NRG3: variants seen among roughly 807,000 people sequenced by gnomAD.
NRG3 encodes pro-neuregulin-3, membrane-bound isoform.
NRG3 carries 31 observed loss-of-function variants against 66.9 expected under a neutral mutation model. That is an observed-to-expected ratio of 0.46 (90% CI 0.35 to 0.63). The LOEUF (loss-of-function observed/expected upper bound fraction) is 0.63, where lower values mean the gene tolerates loss of function less well. Ranked by LOEUF, NRG3 falls within the 20% of genes least tolerant of loss-of-function variation. The pLI is 0.00. For synonymous variants in NRG3, 393 were observed against 359.4 expected (o/e 1.09, Z -1.06); for missense variants, 910 against 878.9 (o/e 1.04, Z -0.45).
chr10:82,355,680 A>G (rs966727325), intron 1 of NRG3, among the ~76,000 whole-genome samples: 1 of 152,176 alleles, frequency 6.6e-6, no homozygotes, highest in African/African-American at 2.4e-5. Flanking sequence ...GAATTTGCCT[A>G]TATTTCCATA....
chr10:82,047,492 G>C (rs1357227984), intron 1 of NRG3, among the ~76,000 whole-genome samples: 1 of 151,780 alleles, frequency 6.6e-6, no homozygotes, highest in Non-Finnish European at 1.5e-5. Flanking sequence ...TTCATATCCA[G>C]CCAAACTAAG....
At chr10:82,911,228 G>C (rs1486045082) in intron 4 of NRG3, among the ~76,000 whole-genome samples, 1 of 151,784 alleles carries the variant, frequency 6.6e-6, no homozygotes, top group Non-Finnish European at 1.5e-5. Context: ...ATGGTTAAGT[G>C]GTTTATAAGC....
At chr10:82,892,892 A>G (rs1266738788) in intron 4 of NRG3, among the ~76,000 whole-genome samples, 1 of 152,036 alleles carries the variant, frequency 6.6e-6, no homozygotes, top group Non-Finnish European at 1.5e-5. Context: ...AAGATAAAAA[A>G]TTGTGAAGGT....
chr10:82,445,555 C>T (rs975885570), intron 2 of NRG3, among the ~76,000 whole-genome samples: 1 of 152,126 alleles, frequency 6.6e-6, no homozygotes, highest in East Asian at 1.9e-4. Flanking sequence ...CACTGTTTCC[C>T]TTAGCTTGCT....
intron 4 of NRG3, among the ~76,000 whole-genome samples, chr10:82,889,464 G>T (rs1466501521): frequency 6.6e-6 from 1 of 152,152 alleles, no homozygotes; most frequent in East Asian, 1.9e-4. Flanking sequence ...ATAATATCAA[G>T]ATGCATTTTA....
intron 2 of NRG3, among the ~76,000 whole-genome samples, chr10:82,642,839 T>G (rs1230193825): frequency 1.3e-5 from 2 of 152,020 alleles, no homozygotes; most frequent in African/African-American, 4.8e-5. Flanking sequence ...TGAAAAACAT[T>G]GTTCACCTTT....
intron 2 of NRG3, among the ~76,000 whole-genome samples, chr10:82,705,331 A>T (rs940357309): frequency 1.3e-5 from 2 of 152,184 alleles, no homozygotes; most frequent in Non-Finnish European, 2.9e-5. Context: ...CAATGCTAAC[A>T]CTGCTGGTCC....
At chr10:82,647,261 T>A (rs2133857405) in intron 2 of NRG3, among the ~76,000 whole-genome samples, 2 of 152,262 alleles carry the variant, frequency 1.3e-5, no homozygotes, top group East Asian at 3.9e-4. Context: ...GGTGTTTGGT[T>A]TTTTGTTCTT....
intron 1 of NRG3, among the ~76,000 whole-genome samples, chr10:82,160,254 G>T (rs1020690270): frequency 6.6e-6 from 1 of 151,940 alleles, no homozygotes; most frequent in Non-Finnish European, 1.5e-5. Context: ...CTGAAGTCCT[G>T]TCCCCTAGCA....
intron 2 of NRG3, among the ~76,000 whole-genome samples, chr10:82,370,686 T>C (rs1298771903): frequency 6.6e-6 from 1 of 152,152 alleles, no homozygotes; most frequent in African/African-American, 2.4e-5. Context: ...ATCCCAACTC[T>C]GTGTCAGTGC....
At chr10:82,811,374 G>T (rs532205054) in intron 3 of NRG3, among the ~76,000 whole-genome samples, 5 of 152,206 alleles carry the variant, frequency 3.3e-5, no homozygotes, top group Admixed American at 2.6e-4. Context: ...GTATGTCAAT[G>T]ATGTGCGTTC....
chr10:82,190,516 CAT>C (rs558096590), intron 1 of NRG3, among the ~76,000 whole-genome samples: 126 of 152,234 alleles, frequency 8.3e-4, no homozygotes, highest in Middle Eastern at 3.4e-3. Flanking sequence ...ACTGTAAAAA[CAT>C]GTGATTTTTC....
chr10:82,768,792 G>A (rs1219088858), intron 3 of NRG3, among the ~76,000 whole-genome samples: 2 of 151,936 alleles, frequency 1.3e-5, no homozygotes, highest in Non-Finnish European at 2.9e-5. Context: ...TTAATGCAAA[G>A]ACAAGGCTTT....
chr10:82,545,097 G>T (rs2043804246), intron 2 of NRG3, among the ~76,000 whole-genome samples: 1 of 152,116 alleles, frequency 6.6e-6, no homozygotes, highest in Admixed American at 6.5e-5. Flanking sequence ...AAAGAACTAA[G>T]TATGACTGTG....
intron 2 of NRG3, among the ~76,000 whole-genome samples, chr10:82,613,814 T>C (rs2048463236): frequency 6.7e-6 from 1 of 149,122 alleles, no homozygotes; most frequent in Admixed American, 6.7e-5. Context: ...ATTAGGTATA[T>C]CTCCTAATGC....
intron 1 of NRG3, among the ~76,000 whole-genome samples, chr10:82,241,719 G>A (rs563439353): frequency 1.3e-5 from 2 of 152,286 alleles, no homozygotes; most frequent in African/African-American, 2.4e-5. Context: ...ATCATATTAA[G>A]TAATGGAGGT....
At chr10:82,123,881 G>A (rs1364230353) in intron 1 of NRG3, among the ~76,000 whole-genome samples, 1 of 150,324 alleles carries the variant, frequency 6.7e-6, no homozygotes, top group African/African-American at 2.4e-5. Flanking sequence ...TTTCTTCCTT[G>A]CTTTGCTCCC....
chr10:82,808,662 A>G (rs1033623770), intron 3 of NRG3, among the ~76,000 whole-genome samples: 9 of 152,190 alleles, frequency 5.9e-5, no homozygotes, highest in Admixed American at 1.3e-4. Flanking sequence ...TTACCTATTT[A>G]TGATTAATAG....
At chr10:82,848,346 A>ATTTT (rs1311744781) in intron 3 of NRG3, among the ~76,000 whole-genome samples, 9 of 152,156 alleles carry the variant, frequency 5.9e-5, no homozygotes, top group Non-Finnish European at 1.0e-4. Context: ...GAGCTTTATG[A>ATTTT]TTTGACTGCC....
Sources: gnomAD v4.1 joint callset for allele counts (sites outside exome capture counted in the v4.1 genomes callset) on GRCh38, gnomAD v4.1.1 for gene constraint, MANE v1.5 for transcripts, NCBI Gene and HGNC (gene_info 2026-07-23, HGNC 2026-07-21) for gene names.